Variants in CSMD1 observed in about 807,000 individuals in gnomAD.
CSMD1 encodes CUB and sushi domain-containing protein 1.
In CSMD1, 213 loss-of-function variants were observed where a neutral mutation model predicts 417.5. The observed-to-expected ratio is 0.51, with a 90% CI of 0.46 to 0.57. The LOEUF (loss-of-function observed/expected upper bound fraction) is 0.57. Ranked by LOEUF, CSMD1 falls within the 20% of genes least tolerant of loss-of-function variation. The pLI is 0.00. For synonymous variants in CSMD1, 2,862 were observed against 1,736.8 expected (o/e 1.65, Z -16.11); for missense variants, 6,923 against 4,529.7 (o/e 1.53, Z -15.17).
intron 1 of CSMD1, among the ~76,000 whole-genome samples, chr8:4,776,644 G>T (rs569315488): frequency 6.6e-6 from 1 of 152,094 alleles, no homozygotes; most frequent in East Asian, 1.9e-4. Context: ...TAAATAGGGG[G>T]GTTGTGAACT....
chr8:4,967,311 C>T (rs1370156412), intron 1 of CSMD1, among the ~76,000 whole-genome samples: 1 of 152,046 alleles, frequency 6.6e-6, no homozygotes, highest in African/African-American at 2.4e-5. Context: ...TTAAGTTGTC[C>T]TTCTCTGAAC....
intron 5 of CSMD1, among the ~76,000 whole-genome samples, chr8:3,824,226 G>A (rs1028690258): frequency 1.4e-4 from 21 of 148,880 alleles, no homozygotes; most frequent in Non-Finnish European, 2.7e-4. Context: ...ATTTATCTGA[G>A]AAAGAAATTC....
intron 6 of CSMD1, among the ~76,000 whole-genome samples, chr8:3,734,199 G>A (rs573004104): frequency 2.6e-5 from 4 of 152,124 alleles, no homozygotes; most frequent in Non-Finnish European, 5.9e-5. Flanking sequence ...GCATGGAATT[G>A]GAAGCCTGCA....
At chr8:4,911,111 C>A (rs909139266) in intron 1 of CSMD1, among the ~76,000 whole-genome samples, 1 of 152,202 alleles carries the variant, frequency 6.6e-6, no homozygotes, top group African/African-American at 2.4e-5. Context: ...ACTGTAAGTC[C>A]ATTAAACCTC....
chr8:4,456,800 G>A (rs986839019), intron 2 of CSMD1, among the ~76,000 whole-genome samples: 1 of 152,010 alleles, frequency 6.6e-6, no homozygotes, highest in African/African-American at 2.4e-5. Flanking sequence ...AGCTGAAGAA[G>A]CTACCTGTGA....
chr8:4,277,152 T>G (rs2128856537), intron 3 of CSMD1, among the ~76,000 whole-genome samples: 1 of 152,122 alleles, frequency 6.6e-6, no homozygotes, highest in East Asian at 1.9e-4. Flanking sequence ...GAGCCATAGT[T>G]TAATCCAACA....
chr8:3,197,146 T>C (rs1796746445), intron 33 of CSMD1, among the ~76,000 whole-genome samples: 1 of 152,220 alleles, frequency 6.6e-6, no homozygotes, highest in Non-Finnish European at 1.5e-5. Flanking sequence ...GGTAACATCA[T>C]CATTAATTCT....
intron 54 of CSMD1, among the ~76,000 whole-genome samples, chr8:2,983,791 T>G (rs952802699): frequency 6.6e-6 from 1 of 152,160 alleles, no homozygotes; most frequent in Non-Finnish European, 1.5e-5. Flanking sequence ...TGGGGCCAAA[T>G]TTGTTCTTAT....
Position 3,060,173 on chromosome 8 carries a change from T to A in CSMD1, c.7475-7526A>T, listed in dbSNP as rs181406131. ...CAACTTTTTTTTTTTTTTTTCTGAG[T>A]CTCACTCTGTCGCCCAGGCTGGAGT... On this transcript the variant is annotated intron_variant, in intron 49 of 69. Coordinates refer to ENST00000635120, the MANE Select transcript of CSMD1 (RefSeq NM_033225.6). Among the ~76,000 whole-genome samples the A allele has an allele frequency of 8.4e-3, 1,232 of 146,072 alleles. 10 individuals are homozygous for A. Among genetic ancestry groups the A allele is most frequent in the African/African-American group, 0.03 (1,183 of 39,990 alleles).
chr8:4,557,136 G>T (rs774596689), intron 2 of CSMD1, among the ~76,000 whole-genome samples: 1 of 152,132 alleles, frequency 6.6e-6, no homozygotes, highest in African/African-American at 2.4e-5. Context: ...ATTTGTAAAG[G>T]TTAATTTTGC....
At chr8:4,521,379 G>GA (rs1261955477) in intron 2 of CSMD1, among the ~76,000 whole-genome samples, 1 of 151,848 alleles carries the variant, frequency 6.6e-6, no homozygotes, top group Non-Finnish European at 1.5e-5. Context: ...AATAGAAAAA[G>GA]AAAAAACAAA....
In CSMD1 at chr8:3,065,462, T is replaced by C. The variant is rs143122307; in HGVS notation, c.7475-12815A>G. ...ATAGATACATACAGAGAGATATAGA[T>C]AGAAAAATGATAGACAATAGGAAGA... On this transcript the variant is annotated intron_variant, in intron 49 of 69. Coordinates refer to ENST00000635120, the MANE Select transcript of CSMD1 (RefSeq NM_033225.6). Among the ~76,000 whole-genome samples, 67 of 151,696 alleles carry C rather than the reference T, an allele frequency of 4.4e-4. No homozygotes were observed. In the East Asian group the frequency reaches 0.011, roughly 24 times the overall value.
At chr8:3,486,916 C>G (rs1048608997) in intron 11 of CSMD1, among the ~76,000 whole-genome samples, 9 of 152,300 alleles carry the variant, frequency 5.9e-5, no homozygotes, top group African/African-American at 2.2e-4. Flanking sequence ...CTGGCAATGT[C>G]TGAACTGTCC....
chr8:4,805,953 C>T lies in CSMD1; in HGVS notation c.86-168395G>A, dbSNP rs1197961431. Among the ~76,000 whole-genome samples, 6 of 152,224 alleles carry T rather than the reference C, an allele frequency of 3.9e-5. No individual in the cohort carries two copies. In the East Asian group the frequency reaches 5.8e-4, roughly 15 times the overall value. ...GCAGTAAACCTGAGCCTTTGCTAGA[C>T]GATTTTTTAATTACCAAGGGCTTTT... On this transcript the variant is annotated intron_variant, in intron 1 of 69. Coordinates refer to ENST00000635120, the MANE Select transcript of CSMD1 (RefSeq NM_033225.6).
At chr8:4,913,187 G>A (rs1563749013) in intron 1 of CSMD1, among the ~76,000 whole-genome samples, 1 of 152,150 alleles carries the variant, frequency 6.6e-6, no homozygotes, top group Non-Finnish European at 1.5e-5. Flanking sequence ...CAAAGATTAG[G>A]TTGGTGCAAA....
At chr8:4,947,470 GATC>G (rs1427813084) in intron 1 of CSMD1, among the ~76,000 whole-genome samples, 1 of 152,010 alleles carries the variant, frequency 6.6e-6, no homozygotes, top group East Asian at 1.9e-4. Flanking sequence ...CATCTGTCCA[GATC>G]ATCAACAATG....
At chr8:4,100,362 C>A (rs1211224498) in intron 3 of CSMD1, among the ~76,000 whole-genome samples, 1 of 152,178 alleles carries the variant, frequency 6.6e-6, no homozygotes, top group Non-Finnish European at 1.5e-5. Flanking sequence ...GGCAGCATTC[C>A]TCCACCACCC....
chr8:4,587,126 T>G (rs1475880026), intron 2 of CSMD1, among the ~76,000 whole-genome samples: 1 of 152,156 alleles, frequency 6.6e-6, no homozygotes, highest in East Asian at 1.9e-4. Context: ...TTAGGTGCGC[T>G]CTCTTCTTCC....
chr8:4,985,413 G>A (rs1811126413), intron 1 of CSMD1, among the ~76,000 whole-genome samples: 1 of 152,074 alleles, frequency 6.6e-6, no homozygotes, highest in Admixed American at 6.6e-5. Flanking sequence ...AATAGGAAGG[G>A]CCCATGCGTT....
Sources: gnomAD v4.1 joint callset for allele counts (sites outside exome capture counted in the v4.1 genomes callset) on GRCh38, gnomAD v4.1.1 for gene constraint, MANE v1.5 for transcripts, NCBI Gene and HGNC (gene_info 2026-07-23, HGNC 2026-07-21) for gene names.